The following SIPA1L1 variants were observed in gnomAD, a reference collection of about 807,000 sequenced individuals.
SIPA1L1 encodes the protein signal-induced proliferation-associated 1-like protein 1.
Under a neutral mutation model 162.7 loss-of-function variants are expected in SIPA1L1, and 26 were observed. The observed-to-expected ratio is 0.16, with a 90% CI of 0.12 to 0.22. The LOEUF (loss-of-function observed/expected upper bound fraction) is 0.22, where lower values mean the gene tolerates loss of function less well. Ranked by LOEUF, SIPA1L1 falls within the 10% of genes least tolerant of loss-of-function variation. The pLI, the probability that SIPA1L1 is intolerant of heterozygous loss-of-function variation, is 1.00. For missense variants in SIPA1L1, 1,874 were observed against 2,241.0 expected, an observed-to-expected ratio of 0.84 and a Z score of 3.31; for synonymous variants, 829 against 837.4, an observed-to-expected ratio of 0.99 and a Z score of 0.17.
intron 4 of SIPA1L1, among the ~76,000 whole-genome samples, chr14:71,565,774 A>G (rs1181246785): frequency 2.0e-5 from 3 of 152,118 alleles, no homozygotes; most frequent in African/African-American, 7.2e-5. Context: ...CCTGTGTATT[A>G]CTTCCAAAGT....
At chr14:71,620,973 AC>A (rs2039378171) in intron 6 of SIPA1L1, among the ~76,000 whole-genome samples, 1 of 152,138 alleles carries the variant, frequency 6.6e-6, no homozygotes, top group Non-Finnish European at 1.5e-5. Context: ...ATTAATGTTC[AC>A]TTTATGACAA....
intron 17 of SIPA1L1, among the ~76,000 whole-genome samples, chr14:71,717,986 C>T (rs146941048): frequency 1.6e-4 from 24 of 152,282 alleles, no homozygotes; most frequent in African/African-American, 4.8e-4. Context: ...ACACTGCTGC[C>T]GCGACTTCAC....
chr14:71,688,865 A>AT (rs529506922), intron 13 of SIPA1L1, among the ~76,000 whole-genome samples: 168 of 152,260 alleles, frequency 1.1e-3, no homozygotes, highest in Non-Finnish European at 1.8e-3. Flanking sequence ...CATTCCATTC[A>AT]TTTTTTCTCC....
chr14:71,702,701 C>T (rs2082176464), intron 15 of SIPA1L1, among the ~76,000 whole-genome samples, 196 bp downstream of exon 15: 2 of 152,082 alleles, frequency 1.3e-5, no homozygotes, highest in Admixed American at 6.5e-5. Flanking sequence ...TAAGTGACCC[C>T]AAATTCAAAA....
intron 5 of SIPA1L1, among the ~76,000 whole-genome samples, chr14:71,599,444 G>T (rs1372901592): frequency 6.8e-6 from 1 of 147,878 alleles, no homozygotes; most frequent in Non-Finnish European, 1.5e-5. Flanking sequence ...GAGCCACCAC[G>T]CTGGGCGATT....
intron 2 of SIPA1L1, among the ~76,000 whole-genome samples, chr14:71,380,959 A>G (rs964330198): frequency 6.6e-6 from 1 of 152,244 alleles, no homozygotes; most frequent in Non-Finnish European, 1.5e-5. Flanking sequence ...CTTAATGGGA[A>G]GAAATGAAGG....
At chr14:71,550,794 C>A (rs184728028) in intron 4 of SIPA1L1, among the ~76,000 whole-genome samples, 17 of 152,100 alleles carry the variant, frequency 1.1e-4, no homozygotes, top group Non-Finnish European at 2.9e-5. Context: ...GAATTATGAG[C>A]AATCCCAGCA....
At chr14:71,328,419 G>C (rs2034086688) in intron 2 of SIPA1L1, among the ~76,000 whole-genome samples, 1 of 152,210 alleles carries the variant, frequency 6.6e-6, no homozygotes, top group African/African-American at 2.4e-5. Context: ...GCTAGATATT[G>C]AGGTTGATGG....
chr14:71,629,934 G>C (rs1404645250), intron 7 of SIPA1L1, among the ~76,000 whole-genome samples: 3 of 152,200 alleles, frequency 2.0e-5, no homozygotes, highest in Non-Finnish European at 2.9e-5. Flanking sequence ...ATTCTCTGCT[G>C]ACTTCGCCTA....
At chr14:71,409,376 T>C (rs963010588) in intron 2 of SIPA1L1, among the ~76,000 whole-genome samples, 3 of 152,112 alleles carry the variant, frequency 2.0e-5, no homozygotes, top group African/African-American at 7.2e-5. Context: ...TTATGGGTCC[T>C]TTGGTTAGAG....
chr14:71,597,215 C>T (rs2036141661), intron 5 of SIPA1L1, among the ~76,000 whole-genome samples: 1 of 152,094 alleles, frequency 6.6e-6, no homozygotes, highest in Admixed American at 6.5e-5. Context: ...CTCCTGGGCT[C>T]AAGCAATCCT....
chr14:71,618,315 G>T (rs1365712908), intron 5 of SIPA1L1, among the ~76,000 whole-genome samples: 1 of 152,168 alleles, frequency 6.6e-6, no homozygotes, highest in Non-Finnish European at 1.5e-5. Flanking sequence ...CTCCAATCCA[G>T]GGACATCTTT....
chr14:71,502,255 A>AAAAAATATATATATATATATATATAT (rs67020418), intron 2 of SIPA1L1, among the ~76,000 whole-genome samples: 2 of 97,558 alleles, frequency 2.1e-5, no homozygotes, highest in African/African-American at 9.1e-5. Flanking sequence ...AAAAAAAAAA[A>AAAAAATATATATATATATATATATAT]ATATATATAT....
At chr14:71,704,631 G>A (rs1295062216) in intron 15 of SIPA1L1, 4 of 873,886 alleles carry the variant, frequency 4.6e-6, no homozygotes, top group African/African-American at 3.3e-5. Context: ...CTCACTTTTG[G>A]AACCCCATCT....
chr14:71,544,564 A>G (rs1220063538), intron 4 of SIPA1L1, among the ~76,000 whole-genome samples: 3 of 152,026 alleles, frequency 2.0e-5, no homozygotes, highest in Non-Finnish European at 2.9e-5. Context: ...ATATTTTCCT[A>G]TGTTTACTCC....
intron 5 of SIPA1L1, among the ~76,000 whole-genome samples, chr14:71,591,162 T>A (rs1192207378): frequency 1.3e-5 from 2 of 152,106 alleles, no homozygotes; most frequent in Admixed American, 1.3e-4. Context: ...TATAATAATA[T>A]TATTATAATA....
chr14:71,470,731 G>A (rs2047385804), intron 2 of SIPA1L1, among the ~76,000 whole-genome samples: 1 of 152,096 alleles, frequency 6.6e-6, no homozygotes, highest in African/African-American at 2.4e-5. Flanking sequence ...CCCAAGCTGT[G>A]ACTATTATGT....
At chr14:71,546,372 C>A (rs989707746) in intron 4 of SIPA1L1, among the ~76,000 whole-genome samples, 14 of 75,380 alleles carry the variant, frequency 1.9e-4, no homozygotes, top group African/African-American at 9.5e-4. Context: ...TTTTCTTTTT[C>A]TTTCTTTTTT....
intron 3 of SIPA1L1, among the ~76,000 whole-genome samples, chr14:71,522,850 A>G (rs933776521): frequency 1.3e-5 from 2 of 151,672 alleles, no homozygotes; most frequent in Non-Finnish European, 2.9e-5. Flanking sequence ...CCACCACCAC[A>G]CCCAGCTAAT....
Sources: allele counts gnomAD v4.1 joint callset (sites outside exome capture counted in the v4.1 genomes callset), GRCh38; gene constraint gnomAD v4.1.1; transcripts MANE v1.5; gene names NCBI Gene and HGNC (gene_info 2026-07-23, HGNC 2026-07-21).